The following SON variants were observed in gnomAD, a reference collection of about 807,000 sequenced individuals.
SON encodes SON DNA and RNA binding protein.
In SON, 4 loss-of-function variants were observed where a neutral mutation model predicts 173.3. The ratio of observed to expected loss-of-function variants is 0.02; its 90% confidence interval spans 0.01 to 0.05. SON has a LOEUF of 0.05. Ranked by LOEUF, SON falls within the 10% of genes least tolerant of loss-of-function variation. SON has a pLI of 1.00. For missense variants in SON, 2,626 were observed against 3,055.3 expected (o/e 0.86, Z 3.31); for synonymous variants, 1,190 against 1,105.9 (o/e 1.08, Z -1.51).
At position 33,552,057 on chromosome 21, in the gene SON, C is replaced by T. The variant is rs139875819; in HGVS notation, c.2826C>T (p.Tyr942=). ...HDPYRLGHDA[Y]RLGQDPYRLG... The stretch of plus-strand genomic sequence containing the variant: ...CCTATAGATTAGGTCATGATGCTTA[C>T]AGGTTAGGACAAGACCCTTATAGAT... Residue 942 remains tyrosine (Y), a synonymous_variant, in exon 3 of 12, where the codon TAC becomes TAT. Coordinates refer to ENST00000356577, the MANE Select transcript of SON (RefSeq NM_138927.4). This position sits in a 1 kb window ranked among gnomAD's most constrained non-coding sequence, Gnocchi z 5.6. The T allele has an allele frequency of 2.5e-6, 4 of 1,614,104 alleles. No homozygotes were observed. Among genetic ancestry groups the T allele is most frequent in the Non-Finnish European group, 3.4e-6 (4 of 1,179,994 alleles).
Position 33,576,638 on chromosome 21 carries a change from A to C in SON, c.*214A>C. 1.5e-6 allele frequency: 1 copy of C among 659,170 alleles called. No individual in the cohort carries two copies. 40.8% of individuals were successfully genotyped at this position (659,170 alleles called of 1,614,324 possible). ...CTGCATCACAATGTATTTCCTCTTT[A>C]ATGTTGTAAATATTTGGCAATTTAA... On this transcript the variant is annotated 3_prime_UTR_variant, in exon 12 of 12. Coordinates refer to ENST00000356577, the MANE Select transcript of SON (RefSeq NM_138927.4).
In SON at chr21:33,550,293, C is replaced by T. The variant is rs776595160; in HGVS notation, c.1062C>T (p.Ser354=). The change falls in exon 3 of 12, where the codon TCC becomes TCT. Residue 354 remains serine (S), a synonymous_variant. Coordinates refer to ENST00000356577, the MANE Select transcript of SON (RefSeq NM_138927.4). ...VDVPSEIADS[S]MTRPQELPEL... ...TACCATCGGAGATTGCAGATTCATC[C>T]ATGACAAGACCGCAGGAGTTGCCGG... 4 of 1,614,036 alleles carry T rather than the reference C, an allele frequency of 2.5e-6. No homozygotes were observed. In the South Asian group the frequency reaches 3.3e-5, roughly 13 times the overall value.
chr21:33,569,333 G>T, intron 8 of SON: 1 of 433,640 alleles, frequency 2.3e-6, no homozygotes. Flanking sequence ...TGCTGCTTTT[G>T]AAGGGGTGAT....
chr21:33,555,102 C>T lies in SON; in HGVS notation c.5871C>T (p.Ser1957=). 6.6e-7 allele frequency: 1 copy of T among 1,523,998 alleles called. No homozygotes were observed. The highest frequency in any genetic ancestry group is 8.8e-7 in the Non-Finnish European group (1 of 1,130,844). 94.4% of individuals were successfully genotyped at this position (1,523,998 alleles called of 1,614,324 possible). A position where few individuals can be genotyped will look rare whatever the true frequency, so the allele number is the denominator to read the frequency against. ...RSFSISPSRR[S]RTPSRRSRTP... ...TTAGCATTTCCCCAAGCCGCCGCAG[C>T]CGCACCCCCAGCCGCCGCAGCCGCA... is the stretch of plus-strand genomic sequence containing the variant. Residue 1957 remains serine, a synonymous_variant, in exon 3 of 12, where the codon AGC becomes AGT. Coordinates refer to ENST00000356577, the MANE Select transcript of SON (RefSeq NM_138927.4).
intron 8 of SON, chr21:33,570,295 A>G (rs1485331163): frequency 6.6e-6 from 1 of 152,212 alleles, no homozygotes; most frequent in African/African-American, 2.4e-5. Context: ...AGTGCCAGTG[A>G]ATGAGCTGAA....
chr21:33,573,964 A>G (rs371878353), intron 9 of SON, among the ~76,000 whole-genome samples: 9 of 152,322 alleles, frequency 5.9e-5, no homozygotes, highest in Non-Finnish European at 8.8e-5. Context: ...GCTGCTGACA[A>G]TAATGTTACT....
At chr21:33,558,411 A>G (rs565390282) in intron 4 of SON, 2 of 152,314 alleles carry the variant, frequency 1.3e-5, no homozygotes, top group African/African-American at 4.8e-5. Flanking sequence ...ACATGTTGCT[A>G]TCTAATCCTG....
In SON at chr21:33,575,283, G is replaced by A. The variant is rs536819190; in HGVS notation, c.7034-313G>A. Among the ~76,000 whole-genome samples the A allele has an allele frequency of 1.9e-3, 283 of 152,128 alleles. 2 individuals are homozygous for A. The highest frequency in any genetic ancestry group is 6.2e-3 in the African/African-American group (258 of 41,526). ...ACTCTTGACCTCAGGAGATCCACCC[G>A]CCTCGGCCTCCCAAAGTGCTGGGAT... On this transcript the variant is annotated intron_variant, in intron 9 of 11. Coordinates refer to ENST00000356577, the MANE Select transcript of SON (RefSeq NM_138927.4).
In SON at chr21:33,551,530, G is replaced by C. The variant is rs1304309429; in HGVS notation, c.2299G>C (p.Ala767Pro). The C allele has an allele frequency of 6.2e-7, 1 of 1,613,848 alleles. No individual in the cohort carries two copies. The highest frequency in any genetic ancestry group is 1.3e-5 in the African/African-American group (1 of 74,884). Reference protein sequence around the residue: ...ASSTMDSQMLATSSMDSQMLA... With the variant: ...ASSTMDSQMLPTSSMDSQMLA... The stretch of plus-strand genomic sequence containing the variant: ...TAGCACCATGGACTCCCAGATGTTA[G>C]CAACTAGCTCCATGGACTCCCAGAT... The change falls in exon 3 of 12, where the codon GCA becomes CCA. Residue 767 changes from alanine to proline, a missense_variant. Physicochemically the swap from Ala to Pro is conservative, Grantham distance 27. Transcript: ENST00000356577.
intron 8 of SON, chr21:33,572,398 C>A: frequency 2.9e-6 from 1 of 342,448 alleles, no homozygotes; most frequent in Non-Finnish European, 6.0e-6. Context: ...TAACTGTTGA[C>A]CATGCTAATG....
chr21:33,550,145 C>G lies in SON; in HGVS notation c.914C>G (p.Thr305Ser), dbSNP rs1356794691. 2.5e-6 allele frequency: 4 copies of G among 1,614,090 alleles called. No individual in the cohort carries two copies. The highest frequency in any genetic ancestry group is 3.4e-6 in the Non-Finnish European group (4 of 1,180,052). ...GCAAAAGTGTTAGAGCCTTCAGAAACCCTTGTGGTATCATCAGAGACACCT... is the reference window on the plus strand; with the variant it reads ...GCAAAAGTGTTAGAGCCTTCAGAAAGCCTTGTGGTATCATCAGAGACACCT... ...PVAKVLEPSE[T>S]LVVSSETPTE... Residue 305 changes from threonine to serine, a missense_variant, in exon 3 of 12, where the codon ACC (threonine) becomes AGC (serine). Physicochemically the swap from Thr to Ser is moderately conservative, Grantham distance 58. Coordinates refer to ENST00000356577, the MANE Select transcript of SON (RefSeq NM_138927.4).
intron 4 of SON, 195 bp downstream of exon 4, chr21:33,557,511 G>A: frequency 6.4e-7 from 1 of 1,550,786 alleles, no homozygotes; most frequent in Non-Finnish European, 8.7e-7. Flanking sequence ...AGCTCCGCTA[G>A]CTAAAAGTTA....
intron 9 of SON, among the ~76,000 whole-genome samples, chr21:33,574,444 C>T (rs2145885753): frequency 6.6e-6 from 1 of 152,284 alleles, no homozygotes; most frequent in African/African-American, 2.4e-5. Context: ...CTCAGAGAAC[C>T]ACAGATTTCC....
At chr21:33,562,123 C>T (rs1159251345) in intron 6 of SON, among the ~76,000 whole-genome samples, 1 of 152,088 alleles carries the variant, frequency 6.6e-6, no homozygotes, top group Non-Finnish European at 1.5e-5. Flanking sequence ...GAAATAGTCA[C>T]AATTTAAAAT....
intron 1 of SON, among the ~76,000 whole-genome samples, chr21:33,544,972 C>G (rs1490695280): frequency 1.3e-5 from 2 of 152,168 alleles, no homozygotes; most frequent in Non-Finnish European, 2.9e-5. Context: ...TATCAGTCTG[C>G]AAACAAGTTT....
chr21:33,572,540 A>G, intron 8 of SON: 16 of 1,303,138 alleles, frequency 1.2e-5, no homozygotes, highest in African/African-American at 1.5e-5. Flanking sequence ...CTGTATGGAA[A>G]CTTGTTTCAG....
At chr21:33,571,720 T>C (rs1302532519) in intron 8 of SON, 1 of 152,618 alleles carries the variant, frequency 6.6e-6, no homozygotes, top group Non-Finnish European at 1.5e-5. Context: ...GGGATTTATA[T>C]TGTACTCTGC....
chr21:33,551,554 A>C lies in SON; in HGVS notation c.2323A>C (p.Met775Leu). 1 of 1,613,984 alleles carries C rather than the reference A, an allele frequency of 6.2e-7. No individual in the cohort carries two copies. Among genetic ancestry groups the C allele is most frequent in the Non-Finnish European group, 8.5e-7 (1 of 1,180,012 alleles). Reference sequence around the variant, plus strand: ...AGCAACTAGCTCCATGGACTCCCAGATGTTAGCAACTAGCTCCATGGACTC... The same window carrying C: ...AGCAACTAGCTCCATGGACTCCCAGCTGTTAGCAACTAGCTCCATGGACTC... ...MLATSSMDSQ[M>L]LATSSMDSQM... The change falls in exon 3 of 12, where the codon ATG (methionine) becomes CTG (leucine). Residue 775 changes from methionine (M) to leucine (L), a missense_variant. Physicochemically the swap from Met to Leu is conservative, Grantham distance 15 (BLOSUM62 2). Around this residue, in one of 13 missense-constraint regions of SON, gnomAD observed 182 missense variants for 193.6 expected, o/e 0.94. Coordinates refer to ENST00000356577, the MANE Select transcript of SON (RefSeq NM_138927.4).
At chr21:33,568,361 G>A (rs1338645839) in intron 7 of SON, among the ~76,000 whole-genome samples, 4 of 152,016 alleles carry the variant, frequency 2.6e-5, no homozygotes, top group Non-Finnish European at 5.9e-5. Flanking sequence ...GCGCGGTGGC[G>A]CATGTTTGTA....
Sources: allele counts gnomAD v4.1 joint callset (sites outside exome capture counted in the v4.1 genomes callset), GRCh38; gene constraint gnomAD v4.1.1; regional missense constraint gnomAD v4.1.1; non-coding constraint Gnocchi (gnomAD v3.1); transcripts MANE v1.5; gene names NCBI Gene and HGNC (gene_info 2026-07-23, HGNC 2026-07-21).